Variants in DPP10 observed in about 807,000 individuals in gnomAD.
DPP10 encodes inactive dipeptidyl peptidase 10.
Under a neutral mutation model 120.9 loss-of-function variants are expected in DPP10, and 33 were observed. That is an observed-to-expected ratio of 0.27 (90% CI 0.21 to 0.37). The LOEUF (loss-of-function observed/expected upper bound fraction) is 0.37, where lower values mean the gene tolerates loss of function less well. Among genes scored for constraint, DPP10 ranks in the 10% least tolerant of loss-of-function variants. The pLI, the probability that DPP10 is intolerant of heterozygous loss-of-function variation, is 1.00. For synonymous variants in DPP10, 337 were observed against 326.1 expected, an observed-to-expected ratio of 1.03 and a Z score of -0.36; for missense variants, 816 against 942.8, an observed-to-expected ratio of 0.87 and a Z score of 1.76.
chr2:115,340,162 A>G (rs1052847975), intron 2 of DPP10, among the ~76,000 whole-genome samples: 3 of 152,212 alleles, frequency 2.0e-5, no homozygotes, highest in African/African-American at 7.2e-5. Flanking sequence ...GAAAAGAAAG[A>G]AAAAAGTAAT....
In DPP10 at chr2:115,791,137, A is replaced by G; in HGVS notation, c.1588A>G (p.Ile530Val). Residue 530 changes from isoleucine (I) to valine (V), a missense_variant, in exon 18 of 26, where the codon ATA (isoleucine) becomes GTA (valine). Around this residue, in one of 3 missense-constraint regions of DPP10, gnomAD observed 592 missense variants for 649.0 expected, o/e 0.91. Transcript: ENST00000410059. ...MLKEAILKKK[I>V]GKPEIKILHI... The stretch of plus-strand genomic sequence containing the variant: ...GAAGGAAGCTATCCTGAAGAAGAAG[A>G]TAGGAAAGCCAGAAATTAAAATCCT... 1 of 1,613,678 alleles carries G rather than the reference A, an allele frequency of 6.2e-7. No homozygotes were observed. Among genetic ancestry groups the G allele is most frequent in the Non-Finnish European group, 8.5e-7 (1 of 1,179,796 alleles).
chr2:114,903,673 A>C (rs1693760980), intron 1 of DPP10, among the ~76,000 whole-genome samples: 1 of 152,190 alleles, frequency 6.6e-6, no homozygotes, highest in Non-Finnish European at 1.5e-5. Context: ...TTATATGTTG[A>C]AGCCCTAACC....
chr2:114,507,482 A>G (rs1683777117), intron 1 of DPP10, among the ~76,000 whole-genome samples: 3 of 152,240 alleles, frequency 2.0e-5, no homozygotes, highest in African/African-American at 7.2e-5. Context: ...ACACTATTCA[A>G]CTACCTTAAA....
At chr2:114,453,818 A>C (rs1678417455) in intron 1 of DPP10, among the ~76,000 whole-genome samples, 3 of 152,236 alleles carry the variant, frequency 2.0e-5, no homozygotes, top group Non-Finnish European at 4.4e-5. Context: ...AGAGCCTTTT[A>C]AATTGTGTGT....
intron 1 of DPP10, among the ~76,000 whole-genome samples, chr2:114,560,001 C>T (rs1046711483): frequency 6.6e-6 from 1 of 151,656 alleles, no homozygotes; most frequent in African/African-American, 2.4e-5. Context: ...CTTCTCCAAG[C>T]CTGTACTTGC....
intron 1 of DPP10, among the ~76,000 whole-genome samples, chr2:115,026,315 T>C (rs72834172): frequency 0.13 from 20,234 of 151,924 alleles, 1,520 homozygotes; most frequent in East Asian, 0.16. Context: ...CTAGGTACCA[T>C]TGAGTTGGGT....
chr2:115,430,494 G>A (rs1057002457), intron 3 of DPP10, among the ~76,000 whole-genome samples: 4 of 152,154 alleles, frequency 2.6e-5, no homozygotes, highest in African/African-American at 7.2e-5. Flanking sequence ...TTTACATCTC[G>A]ATAGATTTTT....
chr2:115,801,151 A>C lies in DPP10; in HGVS notation c.1700+9795A>C, dbSNP rs1435362535. On this transcript the variant is annotated intron_variant, in intron 19 of 25. Transcript: ENST00000410059. The stretch of plus-strand genomic sequence containing the variant: ...AGTTCTCCTTGAAGAGGTCCTTCAC[A>C]TCCCTTGTAAGTTGGATTCCTAGGT... Among the ~76,000 whole-genome samples the C allele has an allele frequency of 6.6e-5, 10 of 151,674 alleles. No individual in the cohort carries two copies. The East Asian group carries it at 1.6e-3, about 24-fold the overall frequency.
chr2:114,760,544 A>G (rs1680188755), intron 1 of DPP10, among the ~76,000 whole-genome samples: 1 of 151,010 alleles, frequency 6.6e-6, no homozygotes, highest in South Asian at 2.1e-4. Context: ...TATTAAATAT[A>G]TATATATATA....
At chr2:114,957,972 G>A (rs1309891605) in intron 1 of DPP10, among the ~76,000 whole-genome samples, 1 of 152,146 alleles carries the variant, frequency 6.6e-6, no homozygotes, top group Non-Finnish European at 1.5e-5. Flanking sequence ...GGGAGATGTA[G>A]ATCAAAGGGT....
chr2:115,574,474 C>T (rs2081533508), intron 5 of DPP10, among the ~76,000 whole-genome samples: 1 of 152,136 alleles, frequency 6.6e-6, no homozygotes, highest in Admixed American at 6.5e-5. Context: ...CAGTTGCTTT[C>T]CCCATGTTTA....
intron 5 of DPP10, among the ~76,000 whole-genome samples, chr2:115,592,293 G>A (rs2082708582): frequency 6.6e-6 from 1 of 152,198 alleles, no homozygotes; most frequent in African/African-American, 2.4e-5. Flanking sequence ...ATAAGAGAGA[G>A]AAAGGAAGAG....
chr2:114,749,448 C>T (rs1414173807), intron 1 of DPP10, among the ~76,000 whole-genome samples: 1 of 152,058 alleles, frequency 6.6e-6, no homozygotes, highest in Non-Finnish European at 1.5e-5. Flanking sequence ...CAATGACTGC[C>T]AGTCCTGTGC....
intron 3 of DPP10, among the ~76,000 whole-genome samples, chr2:115,470,949 C>G (rs1398434236): frequency 6.6e-6 from 1 of 152,150 alleles, no homozygotes; most frequent in Non-Finnish European, 1.5e-5. Flanking sequence ...GAGAACCTTT[C>G]CAGAAGAGCT....
At chr2:115,816,629 T>C (rs1314463846) in intron 21 of DPP10, among the ~76,000 whole-genome samples, 2 of 149,788 alleles carry the variant, frequency 1.3e-5, no homozygotes, top group East Asian at 2.0e-4. Flanking sequence ...GTTTTTTTTT[T>C]TTTTTTGAGA....
intron 1 of DPP10, among the ~76,000 whole-genome samples, chr2:115,021,939 G>A (rs114764670): frequency 0.018 from 2,672 of 152,108 alleles, 69 homozygotes; most frequent in African/African-American, 0.06. Flanking sequence ...TCACAGAAAA[G>A]CGTTTGACAA....
chr2:114,856,069 G>A (rs1239319543), intron 1 of DPP10, among the ~76,000 whole-genome samples: 2 of 151,772 alleles, frequency 1.3e-5, no homozygotes, highest in Non-Finnish European at 2.9e-5. Context: ...AACAAAAAAA[G>A]AAGAAAAATA....
At chr2:115,117,377 G>A (rs781391895) in intron 1 of DPP10, among the ~76,000 whole-genome samples, 8 of 152,178 alleles carry the variant, frequency 5.3e-5, no homozygotes, top group Non-Finnish European at 1.0e-4. Flanking sequence ...CCTGTGGTGT[G>A]TTTCTACACC....
At chr2:114,980,187 G>A (rs111594700) in intron 1 of DPP10, among the ~76,000 whole-genome samples, 2,611 of 152,146 alleles carry the variant, frequency 0.017, 46 homozygotes, top group Non-Finnish European at 0.027. Context: ...ATTGTGAAAT[G>A]TCTATTATTT....
Sources: gnomAD v4.1 joint callset for allele counts (sites outside exome capture counted in the v4.1 genomes callset) on GRCh38, gnomAD v4.1.1 for gene constraint, gnomAD v4.1.1 regional missense constraint, MANE v1.5 for transcripts, NCBI Gene and HGNC (gene_info 2026-07-23, HGNC 2026-07-21) for gene names.